The following MAPK6 variants were observed in gnomAD, a reference collection of about 807,000 sequenced individuals.
MAPK6 encodes the protein ERK-3.
In MAPK6, 19 loss-of-function variants were observed where a neutral mutation model predicts 59.3. The observed-to-expected ratio is 0.32, with a 90% CI of 0.22 to 0.47. The LOEUF is 0.47. Among genes scored for constraint, MAPK6 ranks in the 20% least tolerant of loss-of-function variants. MAPK6 has a pLI of 1.00. For synonymous variants in MAPK6, 316 were observed against 290.3 expected (o/e 1.09, Z -0.90); for missense variants, 724 against 847.9 (o/e 0.85, Z 1.81).
At chr15:51,982,476 A>G (rs1441144278) in intron 1 of MAPK6, among the ~76,000 whole-genome samples, 2 of 152,228 alleles carry the variant, frequency 1.3e-5, no homozygotes, top group Non-Finnish European at 2.9e-5. Context: ...GATCTCAATC[A>G]TATGTAAAAT....
intron 1 of MAPK6, among the ~76,000 whole-genome samples, chr15:52,036,255 C>G (rs369749946): frequency 6.6e-6 from 1 of 152,196 alleles, no homozygotes; most frequent in African/African-American, 2.4e-5. Flanking sequence ...GACTACACAG[C>G]TGATGTAGCC....
chr15:52,065,930 A>AATT lies in MAPK6; in HGVS notation c.*932_*934dup, dbSNP rs2032405833. 6.6e-6 allele frequency: 1 copy of AATT among 152,560 alleles called. No homozygotes were observed. Among genetic ancestry groups the AATT allele is most frequent in the South Asian group, 2.1e-4 (1 of 4,830 alleles). The allele number at this position is 152,560 out of a possible 1,614,324, so 9.5% of individuals were successfully genotyped here. The stretch of plus-strand genomic sequence containing the variant: ...TATCTACAAAGAAAAATTAATTAGG[A>AATT]ATTACTTTATTATAAAATGCTCCTA... On this transcript the variant is annotated 3_prime_UTR_variant, in exon 6 of 6. Transcript: ENST00000261845.
chr15:51,986,109 G>T (rs1451450874), intron 2 of MAPK6, among the ~76,000 whole-genome samples: 1 of 152,182 alleles, frequency 6.6e-6, no homozygotes, highest in Non-Finnish European at 1.5e-5. Flanking sequence ...AGGAAGCATG[G>T]CTGGGAGGCC....
chr15:52,023,976 G>A (rs1302639011), intron 1 of MAPK6, among the ~76,000 whole-genome samples: 1 of 152,100 alleles, frequency 6.6e-6, no homozygotes, highest in Non-Finnish European at 1.5e-5. Flanking sequence ...CTAAAAAATT[G>A]TTCAGAGATT....
rs978741839 is a variant in MAPK6, at chr15:52,058,899, C to T, written c.865+102C>T. On this transcript the variant is annotated intron_variant, in intron 4 of 5. Coordinates refer to ENST00000261845, the MANE Select transcript of MAPK6 (RefSeq NM_002748.4). ...TTATCCTTAGATATGGGGCTTTCTC[C>T]AAAATAGTCTTTAGACACTTAAGGT... The T allele has an allele frequency of 4.2e-6, 4 of 955,692 alleles. No individual in the cohort carries two copies. In the African/African-American group the frequency reaches 6.7e-5, roughly 16 times the overall value. The allele number at this position is 955,692 out of a possible 1,614,324, so 59.2% of individuals were successfully genotyped here.
At chr15:51,992,265 A>G (rs2057211407) in intron 2 of MAPK6, among the ~76,000 whole-genome samples, 2 of 136,246 alleles carry the variant, frequency 1.5e-5, no homozygotes, top group Admixed American at 7.3e-5. Context: ...GCTGTCCCTC[A>G]TTTATCTATC....
At chr15:52,059,379 C>T (rs1596011141) in intron 4 of MAPK6, among the ~76,000 whole-genome samples, 1 of 152,220 alleles carries the variant, frequency 6.6e-6, no homozygotes, top group African/African-American at 2.4e-5. Flanking sequence ...CTTTCTGCCT[C>T]AGCCTCCCAC....
At chr15:52,027,376 C>CCTG (rs1043866265) in intron 1 of MAPK6, among the ~76,000 whole-genome samples, 1 of 46,960 alleles carries the variant, frequency 2.1e-5, no homozygotes, top group African/African-American at 6.7e-5. Context: ...AAAGAAAATG[C>CCTG]CTGTCACATA....
intron 3 of MAPK6, among the ~76,000 whole-genome samples, chr15:52,005,031 C>T (rs532475155): frequency 1.3e-5 from 2 of 152,082 alleles, no homozygotes; most frequent in Admixed American, 6.5e-5. Context: ...CACTGTTGGA[C>T]GACATTTCTT....
At chr15:52,050,485 C>A (rs1454154786) in intron 3 of MAPK6, among the ~76,000 whole-genome samples, 1 of 152,144 alleles carries the variant, frequency 6.6e-6, no homozygotes, top group Non-Finnish European at 1.5e-5. Context: ...ACAAATTTTT[C>A]TTGGTCCCCT....
At chr15:51,997,182 A>G (rs1334871395) in intron 2 of MAPK6, among the ~76,000 whole-genome samples, 1 of 151,186 alleles carries the variant, frequency 6.6e-6, no homozygotes, top group Non-Finnish European at 1.5e-5. Flanking sequence ...GGGTTTCACC[A>G]TGTTGGCCAG....
At chr15:52,041,602 G>A (rs1393845174) in intron 1 of MAPK6, among the ~76,000 whole-genome samples, 1 of 152,216 alleles carries the variant, frequency 6.6e-6, no homozygotes, top group Non-Finnish European at 1.5e-5. Flanking sequence ...TGGTCCAACT[G>A]AGTTTTATAT....
At chr15:52,045,553 A>T (rs753912537) in intron 1 of MAPK6, among the ~76,000 whole-genome samples, 1 of 152,166 alleles carries the variant, frequency 6.6e-6, no homozygotes, top group African/African-American at 2.4e-5. Flanking sequence ...GAACCTTCCC[A>T]TACTTGTTGG....
chr15:52,064,645 G>A lies in MAPK6; in HGVS notation c.1811G>A (p.Cys604Tyr). 2 of 1,611,772 alleles carry A rather than the reference G, an allele frequency of 1.2e-6. No homozygotes were observed. The highest frequency in any genetic ancestry group is 1.7e-6 in the Non-Finnish European group (2 of 1,179,724). Residue 604 changes from cysteine (C) to tyrosine (Y), a missense_variant, in exon 6 of 6, where the codon TGT (cysteine) becomes TAT (tyrosine). Coordinates refer to ENST00000261845, the MANE Select transcript of MAPK6 (RefSeq NM_002748.4). ...CAGTTTGTGAGTGGTGGGGAGGACT[G>A]TTTTTTCATAAATCAGTTTTGTGAG... ...DSQFVSGGEDCFFINQFCEVR... is the reference protein window; with the variant it reads ...DSQFVSGGEDYFFINQFCEVR...
rs1288368055 is a variant in MAPK6 at position 52,064,088 on chromosome 15, T to A, written c.1254T>A (p.Asn418Lys). The change falls in exon 6 of 6, where the codon AAT (asparagine) becomes AAA (lysine). Residue 418 changes from asparagine (N) to lysine (K), a missense_variant. Physicochemically the swap from Asn to Lys is moderately conservative, Grantham distance 94 (BLOSUM62 0). Around this residue, in one of 4 missense-constraint regions of MAPK6, gnomAD observed 502 missense variants for 507.6 expected, o/e 0.99. Coordinates refer to ENST00000261845, the MANE Select transcript of MAPK6 (RefSeq NM_002748.4). ...TGGAGGATCCTGCTTTTGATACCAA[T>A]TACTCTACTGAGCCTTGTTGGCAAT... ...KYLEDPAFDT[N>K]YSTEPCWQYS... The A allele has an allele frequency of 3.7e-6, 6 of 1,612,686 alleles. No individual in the cohort carries two copies. Among genetic ancestry groups the A allele is most frequent in the Non-Finnish European group, 3.4e-6 (4 of 1,179,192 alleles).
intron 2 of MAPK6, among the ~76,000 whole-genome samples, chr15:51,992,303 A>T (rs140020465): frequency 1.0e-3 from 94 of 92,772 alleles, no homozygotes; most frequent in East Asian, 3.4e-3. Flanking sequence ...ATATATATAT[A>T]TATTTTTTTT....
At chr15:52,038,176 C>T (rs1384853931) in intron 1 of MAPK6, among the ~76,000 whole-genome samples, 9 of 146,840 alleles carry the variant, frequency 6.1e-5, no homozygotes, top group Non-Finnish European at 1.0e-4. Context: ...AAAAAATTGA[C>T]CTCTGCTATA....
At chr15:52,011,368 T>C (rs556114509) in intron 3 of MAPK6, 2 of 152,360 alleles carry the variant, frequency 1.3e-5, no homozygotes, top group East Asian at 3.9e-4. Context: ...CCATCACATG[T>C]TTTGCTTTCC....
At chr15:51,977,222 C>T (rs993590476) in intron 1 of MAPK6, among the ~76,000 whole-genome samples, 5 of 151,608 alleles carry the variant, frequency 3.3e-5, no homozygotes, top group South Asian at 2.1e-4. Flanking sequence ...AGGCTGGTCT[C>T]GAGCTCCTGA....
Sources: gnomAD v4.1 joint callset for allele counts (sites outside exome capture counted in the v4.1 genomes callset) on GRCh38, gnomAD v4.1.1 for gene constraint, gnomAD v4.1.1 regional missense constraint, MANE v1.5 for transcripts, NCBI Gene and HGNC (gene_info 2026-07-23, HGNC 2026-07-21) for gene names.